TUSC3: variants seen among roughly 807,000 people sequenced by gnomAD.
TUSC3 encodes the protein dolichyl-diphosphooligosaccharide--protein glycosyltransferase subunit TUSC3.
TUSC3 carries 45 observed loss-of-function variants against 44.8 expected under a neutral mutation model. The observed-to-expected ratio is 1.00, with a 90% confidence interval of 0.79 to 1.29. The LOEUF is 1.29. Among genes scored for constraint, TUSC3 ranks in the 50% most tolerant of loss-of-function variants. The probability of loss-of-function intolerance (pLI) is 0.00; values close to 1 mark genes in which losing one functional copy is unlikely to be tolerated. For missense variants in TUSC3, 519 were observed against 437.9 expected, an observed-to-expected ratio of 1.19 and a Z score of -1.65; for synonymous variants, 212 against 152.9, an observed-to-expected ratio of 1.39 and a Z score of -2.85.
chr8:15,509,070 A>G (rs1483498014), intron 2 of TUSC3, among the ~76,000 whole-genome samples: 1 of 152,192 alleles, frequency 6.6e-6, no homozygotes, highest in Non-Finnish European at 1.5e-5. Flanking sequence ...GCTTTGAGGA[A>G]TGAGAGAAGA....
the TUSC3 span, among the ~76,000 whole-genome samples, chr8:15,778,104 A>AAAC: frequency 7.1e-6 from 1 of 141,278 alleles, no homozygotes; most frequent in African/African-American, 2.6e-5. Flanking sequence ...TAAGGCAAAA[A>AAAC]AAAAAAACAA....
At chr8:15,806,912 A>G in the TUSC3 span, 2 of 1,397,044 alleles carry the variant, frequency 1.4e-6, no homozygotes, top group Non-Finnish European at 2.0e-6. Flanking sequence ...CTGTTGACCC[A>G]CTTCTATCTG....
At chr8:15,485,464 C>CTTTTTTTTTTTTTTTTTTTTTTTTTTTT (rs11372919) in intron 2 of TUSC3, among the ~76,000 whole-genome samples, 1 of 135,238 alleles carries the variant, frequency 7.4e-6, no homozygotes, top group African/African-American at 2.8e-5. Flanking sequence ...ACTCTGTTGT[C>CTTTTTTTTTTTTTTTTTTTTTTTTTTTT]TTTTTTTTTT....
chr8:15,623,363 T>C (rs1252112293), intron 2 of TUSC3, 114 bp downstream of exon 2: 1 of 1,082,346 alleles, frequency 9.2e-7, no homozygotes, highest in Non-Finnish European at 1.2e-6. Context: ...AATAGTCAAA[T>C]ATAACTGTGC....
intron 5 of TUSC3, among the ~76,000 whole-genome samples, chr8:15,673,177 G>C (rs1021908436): frequency 6.6e-6 from 1 of 152,018 alleles, no homozygotes; most frequent in Non-Finnish European, 1.5e-5. Context: ...TATTCAGCAG[G>C]TATATAATCT....
At chr8:15,567,315 C>A (rs979663537) in intron 1 of TUSC3, among the ~76,000 whole-genome samples, 6 of 152,112 alleles carry the variant, frequency 3.9e-5, no homozygotes, top group African/African-American at 1.4e-4. Flanking sequence ...CTTTACTTAG[C>A]CACCAAACAT....
chr8:15,727,933 C>T (rs1425907358), intron 6 of TUSC3, among the ~76,000 whole-genome samples: 2 of 152,110 alleles, frequency 1.3e-5, no homozygotes, highest in Non-Finnish European at 2.9e-5. Context: ...CATAATAACA[C>T]AGTTAGTAGA....
intron 7 of TUSC3, among the ~76,000 whole-genome samples, chr8:15,738,135 T>C (rs758374399): frequency 4.6e-5 from 7 of 152,126 alleles, no homozygotes; most frequent in Non-Finnish European, 1.0e-4. Flanking sequence ...CTTAGAAAAC[T>C]CACTTTTGCA....
intron 2 of TUSC3, among the ~76,000 whole-genome samples, chr8:15,496,887 AG>A (rs1251837975): frequency 1.3e-5 from 2 of 148,920 alleles, no homozygotes. Flanking sequence ...GTAGAAATTT[AG>A]GAAAAATAAA....
intron 7 of TUSC3, among the ~76,000 whole-genome samples, chr8:15,731,232 A>T (rs1810709000): frequency 6.6e-6 from 1 of 152,086 alleles, no homozygotes; most frequent in Non-Finnish European, 1.5e-5. Flanking sequence ...TATGATTTGG[A>T]GTTAGAAGGA....
intron 3 of TUSC3, among the ~76,000 whole-genome samples, chr8:15,657,356 A>G (rs915735476): frequency 6.6e-6 from 1 of 152,220 alleles, no homozygotes; most frequent in Non-Finnish European, 1.5e-5. Context: ...TTTGCTGCTT[A>G]GATATCTCTT....
chr8:15,428,452 C>G (rs1419353755), intron 1 of TUSC3, among the ~76,000 whole-genome samples: 1,868 of 151,972 alleles, frequency 0.012, 36 homozygotes, highest in African/African-American at 0.043. Flanking sequence ...GTCTTTATAG[C>G]AGCATGATTT....
At chr8:15,521,265 G>A (rs73536448) in intron 2 of TUSC3, among the ~76,000 whole-genome samples, 6 of 152,060 alleles carry the variant, frequency 3.9e-5, no homozygotes, top group South Asian at 2.1e-4. Context: ...CTTGATCCTC[G>A]GCTGGGTAGC....
intron 1 of TUSC3, among the ~76,000 whole-genome samples, chr8:15,479,190 G>C (rs1005731976): frequency 6.6e-6 from 1 of 152,034 alleles, no homozygotes; most frequent in Non-Finnish European, 1.5e-5. Context: ...TTAGACCTTT[G>C]TCAGATGGGT....
intron 6 of TUSC3, chr8:15,688,909 G>A (rs1808764885): frequency 5.8e-6 from 1 of 171,810 alleles, no homozygotes; most frequent in Non-Finnish European, 1.3e-5. Flanking sequence ...GGAGCGGTTT[G>A]TCAGTGCACC....
At chr8:15,847,349 A>G in the TUSC3 span, among the ~76,000 whole-genome samples, 1 of 152,162 alleles carries the variant, frequency 6.6e-6, no homozygotes, top group African/African-American at 2.4e-5. Context: ...GACACGGTAC[A>G]TGATTCCTCT....
the TUSC3 span, among the ~76,000 whole-genome samples, chr8:15,843,852 C>T: frequency 6.6e-6 from 1 of 151,956 alleles, no homozygotes; most frequent in Non-Finnish European, 1.5e-5. Context: ...AAGATCTGTC[C>T]TGAACTGTTA....
chr8:15,431,540 G>C (rs1437474436), intron 1 of TUSC3, among the ~76,000 whole-genome samples: 2 of 151,208 alleles, frequency 1.3e-5, no homozygotes, highest in African/African-American at 4.9e-5. Context: ...CTGCAGTTTT[G>C]CTAAAGTCAT....
intron 2 of TUSC3, among the ~76,000 whole-genome samples, chr8:15,630,630 T>G (rs73195108): frequency 0.19 from 28,859 of 152,132 alleles, 2,720 homozygotes; most frequent in South Asian, 0.26. Context: ...ATGCTTTCCT[T>G]AAGTGCACAT....
Sources: gnomAD v4.1 joint callset for allele counts (sites outside exome capture counted in the v4.1 genomes callset) on GRCh38, gnomAD v4.1.1 for gene constraint, MANE v1.5 for transcripts, NCBI Gene and HGNC (gene_info 2026-07-23, HGNC 2026-07-21) for gene names.